Variants in S100Z observed in about 807,000 individuals in gnomAD.
S100Z encodes the protein S100 calcium binding protein Z.
A neutral mutation model predicts 8.5 loss-of-function variants in S100Z; 11 were observed. The observed-to-expected ratio is 1.30, with a 90% CI of 0.82 to 2.15. The LOEUF is 2.15. S100Z is among the 30% of genes most tolerant of loss of function. The pLI, the probability that S100Z is intolerant of heterozygous loss-of-function variation, is 0.00. For synonymous variants in S100Z, 34 were observed against 43.8 expected (o/e 0.78, Z 0.89); for missense variants, 126 against 117.9 (o/e 1.07, Z -0.32).
At chr5:76,923,264 T>C (rs1003685458), downstream of S100Z, among the ~76,000 whole-genome samples, 13 of 152,174 alleles carry the variant, frequency 8.5e-5, no homozygotes, top group African/African-American at 2.9e-4. Context: ...ATGCCTATGT[T>C]GTAGAAACCA....
chr5:76,887,086 CTTTCT>C (rs1369805440), intron 4 of S100Z, among the ~76,000 whole-genome samples: 3 of 150,418 alleles, frequency 2.0e-5, no homozygotes, highest in South Asian at 4.2e-4. Context: ...GCCTATCTTT[CTTTCT>C]TTTCTTTTCT....
rs1003279988 is a variant in S100Z at position 76,921,336 on chromosome 5, G to A, written c.*622G>A. ...TTTTTCTATTAATAATACTAAGGGA[G>A]CTTTTAAGTCAATACATCTGAATCT... On this transcript the variant is annotated 3_prime_UTR_variant, in exon 5 of 5. Transcript: ENST00000317593. 2.6e-5 allele frequency: 4 copies of A among 152,082 alleles called. No individual in the cohort carries two copies. Among genetic ancestry groups the A allele is most frequent in the Admixed American group, 1.3e-4 (2 of 15,276 alleles). 9.4% of individuals were successfully genotyped at this position (152,082 alleles called of 1,614,324 possible).
At chr5:76,863,756 TC>T in intron 1 of S100Z, among the ~76,000 whole-genome samples, 1 of 152,088 alleles carries the variant, frequency 6.6e-6, no homozygotes, top group Non-Finnish European at 1.5e-5. Flanking sequence ...GCCAGGATGG[TC>T]TCGATCTCCT....
chr5:76,937,924 C>A, the S100Z span, among the ~76,000 whole-genome samples: 1 of 151,842 alleles, frequency 6.6e-6, no homozygotes, highest in East Asian at 1.9e-4. Context: ...CATGGTGAAA[C>A]CCTGTCTCTA....
At chr5:76,908,026 G>C (rs1342360382) in intron 4 of S100Z, among the ~76,000 whole-genome samples, 1 of 152,138 alleles carries the variant, frequency 6.6e-6, no homozygotes, top group African/African-American at 2.4e-5. Context: ...AGCTACTCGG[G>C]AGGCTGAGGT....
chr5:76,899,642 A>C (rs139036159), intron 4 of S100Z, among the ~76,000 whole-genome samples: 104 of 152,216 alleles, frequency 6.8e-4, no homozygotes, highest in African/African-American at 2.4e-3. Context: ...TATGCCCTTA[A>C]CGTTGTCCTC....
chr5:76,925,734 A>AG (rs779899945), downstream of S100Z, among the ~76,000 whole-genome samples: 3 of 152,038 alleles, frequency 2.0e-5, no homozygotes, highest in Non-Finnish European at 4.4e-5. Flanking sequence ...TAAGAGGCTG[A>AG]GGGGGGCGGA....
chr5:76,889,997 A>C (rs1379070429), intron 4 of S100Z, among the ~76,000 whole-genome samples: 1 of 152,216 alleles, frequency 6.6e-6, no homozygotes, highest in African/African-American at 2.4e-5. Context: ...GAAAGCTTAA[A>C]CAAAACAAAA....
the S100Z span, among the ~76,000 whole-genome samples, chr5:76,933,067 C>T: frequency 6.6e-6 from 1 of 152,192 alleles, no homozygotes; most frequent in African/African-American, 2.4e-5. Context: ...GAGTTATTCT[C>T]AAAAGGATGT....
At chr5:76,923,628 T>A (rs779829282), downstream of S100Z, among the ~76,000 whole-genome samples, 2 of 152,160 alleles carry the variant, frequency 1.3e-5, no homozygotes, top group Non-Finnish European at 1.5e-5. Flanking sequence ...CTCATGGGTG[T>A]AGAATCAGAT....
chr5:76,942,727 A>T, the S100Z span, among the ~76,000 whole-genome samples: 642 of 152,234 alleles, frequency 4.2e-3, 5 homozygotes, highest in African/African-American at 0.015. Context: ...ACAGATGTTG[A>T]TTCAGTTTAG....
chr5:76,951,576 CA>C, the S100Z span, among the ~76,000 whole-genome samples: 2 of 152,122 alleles, frequency 1.3e-5, no homozygotes, highest in Admixed American at 1.3e-4. Flanking sequence ...CCTCTAGGCA[CA>C]AAAAGGGTGG....
the S100Z span, among the ~76,000 whole-genome samples, chr5:76,944,569 G>A: frequency 6.6e-6 from 1 of 152,212 alleles, no homozygotes; most frequent in Non-Finnish European, 1.5e-5. Flanking sequence ...GAGAGGAAGA[G>A]CAGGCTGGCT....
At chr5:76,909,618 G>A (rs559998918) in intron 4 of S100Z, among the ~76,000 whole-genome samples, 38 of 152,010 alleles carry the variant, frequency 2.5e-4, no homozygotes, top group East Asian at 1.2e-3. Context: ...AATCTCCCCC[G>A]CCCAGAAGGA....
chr5:76,861,144 C>G (rs184676843), intron 1 of S100Z, among the ~76,000 whole-genome samples: 1 of 152,312 alleles, frequency 6.6e-6, no homozygotes, highest in East Asian at 1.9e-4. Context: ...TTGCAGTCAG[C>G]TGAAGGCTTG....
intron 1 of S100Z, among the ~76,000 whole-genome samples, chr5:76,850,865 C>A (rs1481428962): frequency 1.3e-5 from 2 of 152,260 alleles, no homozygotes; most frequent in East Asian, 3.9e-4. Flanking sequence ...GTCACCCAGG[C>A]TGGAGTGCAG....
the S100Z span, among the ~76,000 whole-genome samples, chr5:76,940,120 G>T: frequency 0.41 from 58,916 of 142,006 alleles, 13,699 homozygotes; most frequent in South Asian, 0.66. Flanking sequence ...TCATGCCACT[G>T]CACTCTAGCC....
At chr5:76,861,864 CA>C (rs1339546462) in intron 1 of S100Z, among the ~76,000 whole-genome samples, 2 of 152,176 alleles carry the variant, frequency 1.3e-5, no homozygotes, top group Admixed American at 1.3e-4. Context: ...TCCCTATTTT[CA>C]GAGAAAGAAT....
intron 4 of S100Z, among the ~76,000 whole-genome samples, chr5:76,903,306 A>C (rs1320736223): frequency 2.6e-5 from 4 of 152,196 alleles, no homozygotes; most frequent in Non-Finnish European, 5.9e-5. Context: ...CCATCATGTC[A>C]TATAAATGGA....
Sources: gnomAD v4.1 joint callset for allele counts (sites outside exome capture counted in the v4.1 genomes callset) on GRCh38, gnomAD v4.1.1 for gene constraint, MANE v1.5 for transcripts, NCBI Gene and HGNC (gene_info 2026-07-23, HGNC 2026-07-21) for gene names.